The following HS3ST5 variants were observed in gnomAD, a reference collection of about 807,000 sequenced individuals.
HS3ST5 encodes the protein heparan sulfate glucosamine 3-O-sulfotransferase 5.
Under a neutral mutation model 25.4 loss-of-function variants are expected in HS3ST5, and 10 were observed. The ratio of observed to expected loss-of-function variants is 0.39; its 90% CI spans 0.24 to 0.67. The LOEUF (loss-of-function observed/expected upper bound fraction) is 0.67. HS3ST5 is among the 30% of genes least tolerant of loss of function. The pLI, the probability that HS3ST5 is intolerant of heterozygous loss-of-function variation, is 0.44. For missense variants in HS3ST5, 324 were observed against 420.7 expected (o/e 0.77, Z 2.01); for synonymous variants, 170 against 162.4 (o/e 1.05, Z -0.36).
At position 114,155,219 on chromosome 6, in the gene HS3ST5, A is replaced by G. The variant is rs531308890; in HGVS notation, c.-33+13132T>C. 6.4e-4 allele frequency among the ~76,000 whole-genome samples: 97 copies of G among 152,346 alleles called. 1 individual carries two copies. The highest frequency in any genetic ancestry group is 2.2e-3 in the African/African-American group (93 of 41,578). On this transcript the variant is annotated intron_variant, in intron 3 of 4. Transcript: ENST00000312719. Reference sequence around the variant, plus strand: ...TGATACAAATTTTGTTAATGACAATATTATCTTGTGACTTAATAAAGTGTC... The same window carrying G: ...TGATACAAATTTTGTTAATGACAATGTTATCTTGTGACTTAATAAAGTGTC...
At chr6:114,187,453 T>C (rs1451460324) in intron 2 of HS3ST5, among the ~76,000 whole-genome samples, 1 of 152,014 alleles carries the variant, frequency 6.6e-6, no homozygotes, top group African/African-American at 2.4e-5. Flanking sequence ...GCAGTTATGG[T>C]GGAAATTAGC....
At chr6:114,088,004 T>C (rs2114784843) in intron 3 of HS3ST5, among the ~76,000 whole-genome samples, 1 of 152,322 alleles carries the variant, frequency 6.6e-6, no homozygotes, top group Admixed American at 6.5e-5. Context: ...GTGTTAAATG[T>C]CCACTGGATT....
At chr6:114,288,669 C>CT (rs1246296753) in intron 1 of HS3ST5, among the ~76,000 whole-genome samples, 1 of 115,784 alleles carries the variant, frequency 8.6e-6, no homozygotes, top group East Asian at 2.4e-4. Flanking sequence ...ACCAATCTGA[C>CT]TACTAAAGGT....
At chr6:114,136,540 A>G (rs1018672881) in intron 3 of HS3ST5, among the ~76,000 whole-genome samples, 7 of 152,220 alleles carry the variant, frequency 4.6e-5, no homozygotes, top group African/African-American at 1.7e-4. Flanking sequence ...TGTATCTCTC[A>G]TAGCACCTTA....
intron 1 of HS3ST5, among the ~76,000 whole-genome samples, chr6:114,280,156 G>A (rs1774043487): frequency 6.6e-6 from 1 of 151,456 alleles, no homozygotes; most frequent in African/African-American, 2.4e-5. Context: ...GAGGTGTGGG[G>A]GAAGATGTTG....
chr6:114,277,242 C>T (rs1036179109), intron 1 of HS3ST5, among the ~76,000 whole-genome samples: 1 of 149,956 alleles, frequency 6.7e-6, no homozygotes, highest in Non-Finnish European at 1.5e-5. Flanking sequence ...TGATTTAATT[C>T]TTGTTTAAAT....
chr6:114,062,693 A>G, intron 4 of HS3ST5, 46 bp downstream of exon 4: 1 of 1,231,814 alleles, frequency 8.1e-7, no homozygotes, highest in Middle Eastern at 1.9e-4. Flanking sequence ...AGTTTAAATC[A>G]AGCCTTAATG....
In HS3ST5 at chr6:114,166,770, T is replaced by C. The variant is rs575313925; in HGVS notation, c.-33+1581A>G. Among the ~76,000 whole-genome samples the C allele has an allele frequency of 4.6e-5, 7 of 152,264 alleles. No homozygotes were observed. The South Asian group carries it at 1.2e-3, about 27-fold the overall frequency. On this transcript the variant is annotated intron_variant, in intron 3 of 4. Transcript: ENST00000312719. ...ACCATTTTGTTTTTCTCCCTCCTTT[T>C]CCTTCAGTGCCCCAGAACATAAAAT...
At chr6:114,169,476 T>C (rs561404584) in intron 2 of HS3ST5, among the ~76,000 whole-genome samples, 1 of 152,140 alleles carries the variant, frequency 6.6e-6, no homozygotes. Flanking sequence ...AACCCCAATA[T>C]TGCCCACATC....
intron 1 of HS3ST5, among the ~76,000 whole-genome samples, chr6:114,229,811 A>G (rs1771489472): frequency 6.6e-6 from 1 of 152,196 alleles, no homozygotes; most frequent in African/African-American, 2.4e-5. Flanking sequence ...GGGATAGAGC[A>G]GCTGTCTTGT....
chr6:114,077,344 C>G (rs1204799957), intron 3 of HS3ST5, among the ~76,000 whole-genome samples: 3 of 152,278 alleles, frequency 2.0e-5, no homozygotes, highest in East Asian at 1.9e-4. Context: ...CAGTATCTCA[C>G]TGGTATAGGT....
intron 1 of HS3ST5, among the ~76,000 whole-genome samples, chr6:114,320,147 C>G (rs147143617): frequency 6.6e-6 from 1 of 152,036 alleles, no homozygotes; most frequent in African/African-American, 2.4e-5. Flanking sequence ...TATTGGGACT[C>G]TACATACATT....
At chr6:114,060,849 A>C (rs1438961615) in intron 4 of HS3ST5, among the ~76,000 whole-genome samples, 1 of 152,186 alleles carries the variant, frequency 6.6e-6, no homozygotes, top group East Asian at 1.9e-4. Context: ...AGAATGTGAA[A>C]ATATGAGAAA....
At chr6:114,319,922 CTCA>C (rs1394230495) in intron 1 of HS3ST5, among the ~76,000 whole-genome samples, 7 of 152,136 alleles carry the variant, frequency 4.6e-5, no homozygotes, top group African/African-American at 1.7e-4. Context: ...CATTGCCTCT[CTCA>C]TCCTTTTTCA....
intron 2 of HS3ST5, among the ~76,000 whole-genome samples, chr6:114,213,345 G>T (rs1781602086): frequency 2.1e-5 from 3 of 140,570 alleles, no homozygotes; most frequent in Admixed American, 1.4e-4. Flanking sequence ...GGCGGCGGGG[G>T]TGGGGGGGTG....
At chr6:114,220,859 T>G (rs559421061) in intron 2 of HS3ST5, 1 of 152,088 alleles carries the variant, frequency 6.6e-6, no homozygotes, top group Admixed American at 6.6e-5. Flanking sequence ...TGAGGCTATT[T>G]CAGGGAGCTT....
At chr6:114,209,763 A>G (rs1383904802) in intron 2 of HS3ST5, among the ~76,000 whole-genome samples, 1 of 152,172 alleles carries the variant, frequency 6.6e-6, no homozygotes, top group Admixed American at 6.5e-5. Flanking sequence ...AGAAGGGGGA[A>G]AAAAGAAATG....
chr6:114,114,601 A>G (rs1266097488), intron 3 of HS3ST5, among the ~76,000 whole-genome samples: 1 of 152,092 alleles, frequency 6.6e-6, no homozygotes, highest in African/African-American at 2.4e-5. Context: ...TTAAAATCTG[A>G]TTATGTGCAG....
At chr6:114,338,625 G>A (rs1033163979) in intron 1 of HS3ST5, among the ~76,000 whole-genome samples, 1 of 151,976 alleles carries the variant, frequency 6.6e-6, no homozygotes, top group Admixed American at 6.5e-5. Flanking sequence ...ATAAGGGTTA[G>A]CTACTATGAA....
Sources: gnomAD v4.1 joint callset for allele counts (sites outside exome capture counted in the v4.1 genomes callset) on GRCh38, gnomAD v4.1.1 for gene constraint, MANE v1.5 for transcripts, NCBI Gene and HGNC (gene_info 2026-07-23, HGNC 2026-07-21) for gene names.